ERLIN1: variants seen among roughly 807,000 people sequenced by gnomAD.
The protein encoded by ERLIN1 is erlin-1.
Under a neutral mutation model 46.9 loss-of-function variants are expected in ERLIN1, and 24 were observed. The ratio of observed to expected loss-of-function variants is 0.51; its 90% CI spans 0.37 to 0.72. ERLIN1 has a LOEUF of 0.72. ERLIN1 is among the 30% of genes least tolerant of loss of function. ERLIN1 has a pLI of 0.00. For missense variants in ERLIN1, 293 were observed against 417.9 expected, an observed-to-expected ratio of 0.70 and a Z score of 2.61; for synonymous variants, 158 against 143.2, an observed-to-expected ratio of 1.10 and a Z score of -0.74.
At position 100,185,677 on chromosome 10, in the gene ERLIN1, C is replaced by T. The variant is rs1220360010; in HGVS notation, c.-51G>A. 3.3e-5 allele frequency: 48 copies of T among 1,436,930 alleles called. No homozygotes were observed. Among genetic ancestry groups the T allele is most frequent in the Non-Finnish European group, 4.5e-5 (46 of 1,020,144 alleles). 89.0% of individuals were successfully genotyped at this position (1,436,930 alleles called of 1,614,324 possible). A position where few individuals can be genotyped will look rare whatever the true frequency, so the allele number is the denominator to read the frequency against. ...AAAGGACCCTCAGTCCCGTGAGTGA[C>T]AGGTCCACCCCCTCCAGTTTCTACC... On this transcript the variant is annotated 5_prime_UTR_variant, in exon 1 of 11. Coordinates refer to ENST00000421367, the MANE Select transcript of ERLIN1 (RefSeq NM_006459.4).
intron 6 of ERLIN1, among the ~76,000 whole-genome samples, chr10:100,173,704 A>G (rs1337738829): frequency 6.6e-6 from 1 of 151,992 alleles, no homozygotes; most frequent in Admixed American, 6.6e-5. Flanking sequence ...AATCCAATTA[A>G]TTTTTCCAAA....
chr10:100,180,038 G>A (rs1026541073), intron 2 of ERLIN1, among the ~76,000 whole-genome samples: 2 of 152,218 alleles, frequency 1.3e-5, no homozygotes, highest in African/African-American at 2.4e-5. Context: ...CTTCTCTAAA[G>A]CTGTGGTCAA....
intron 2 of ERLIN1, 120 bp downstream of exon 2, chr10:100,183,636 C>A: frequency 1.6e-6 from 1 of 617,170 alleles, no homozygotes. Context: ...TTAACTTCTG[C>A]ATTTAAGTAA....
intron 9 of ERLIN1, among the ~76,000 whole-genome samples, chr10:100,155,690 AT>A (rs1843044124): frequency 1.3e-5 from 2 of 151,586 alleles, no homozygotes; most frequent in Non-Finnish European, 2.9e-5. Flanking sequence ...AATTTTTTGT[AT>A]TTTTAGTAGA....
At chr10:100,185,464 T>A (rs749089332) in intron 1 of ERLIN1, 50 bp downstream of exon 1, 1 of 1,377,470 alleles carries the variant, frequency 7.3e-7, no homozygotes, top group South Asian at 1.2e-5. Context: ...CACTCTGGAG[T>A]ACCCTTTTAA....
chr10:100,176,851 G>A (rs1387898093), intron 4 of ERLIN1, among the ~76,000 whole-genome samples: 3 of 152,156 alleles, frequency 2.0e-5, no homozygotes, highest in Non-Finnish European at 2.9e-5. Context: ...GACTGGGCGC[G>A]GTGGCTCATG....
In ERLIN1 at chr10:100,185,716, A is replaced by C. The variant is rs1440288832; in HGVS notation, c.-90T>G. 1.9e-6 allele frequency: 2 copies of C among 1,051,434 alleles called. No homozygotes were observed. Among genetic ancestry groups the C allele is most frequent in the Non-Finnish European group, 2.9e-6 (2 of 680,778 alleles). The allele number at this position is 1,051,434 out of a possible 1,614,324, so 65.1% of individuals were successfully genotyped here. A position where few individuals can be genotyped will look rare whatever the true frequency, so the allele number is the denominator to read the frequency against. On this transcript the variant is annotated 5_prime_UTR_variant, in exon 1 of 11. Transcript: ENST00000421367. ...CCAGTTTCTACCCTCTCCCTCCGGA[A>C]ACTTGGCGCTCTCTCGCAGGCTGAG...
chr10:100,159,517 G>C (rs1415464726), intron 8 of ERLIN1, among the ~76,000 whole-genome samples: 1 of 152,078 alleles, frequency 6.6e-6, no homozygotes, highest in African/African-American at 2.4e-5. Context: ...ACCGTGTACA[G>C]GTAGGCCACA....
chr10:100,167,891 A>T (rs1414841855), intron 6 of ERLIN1, among the ~76,000 whole-genome samples: 2 of 152,236 alleles, frequency 1.3e-5, no homozygotes, highest in African/African-American at 4.8e-5. Flanking sequence ...TATCACTTCC[A>T]ACCCCTGCAA....
intron 6 of ERLIN1, among the ~76,000 whole-genome samples, chr10:100,172,286 A>G (rs151285507): frequency 2.1e-4 from 32 of 152,370 alleles, no homozygotes; most frequent in Middle Eastern, 3.4e-3. Flanking sequence ...GCATGTATGC[A>G]TTTATATCTA....
intron 3 of ERLIN1, among the ~76,000 whole-genome samples, chr10:100,178,598 C>T (rs1844453935): frequency 6.6e-6 from 1 of 152,202 alleles, no homozygotes; most frequent in Admixed American, 6.5e-5. Context: ...TCTCGGGCCT[C>T]ACCCCAGACC....
chr10:100,169,065 T>G (rs1317036108), intron 6 of ERLIN1, among the ~76,000 whole-genome samples: 1 of 152,180 alleles, frequency 6.6e-6, no homozygotes, highest in Admixed American at 6.5e-5. Context: ...TTGGGAAATC[T>G]CACAGATTTT....
chr10:100,170,803 G>A (rs565447071), intron 6 of ERLIN1, among the ~76,000 whole-genome samples: 3 of 152,298 alleles, frequency 2.0e-5, no homozygotes, highest in Admixed American at 2.0e-4. Flanking sequence ...GAGAAAATTC[G>A]ATTTGATGAG....
intron 7 of ERLIN1, among the ~76,000 whole-genome samples, chr10:100,166,934 AC>A (rs544398629): frequency 6.6e-6 from 1 of 152,348 alleles, no homozygotes; most frequent in South Asian, 2.1e-4. Flanking sequence ...ACAATGGAAA[AC>A]CAAACTTTAT....
In ERLIN1 at chr10:100,164,114, T is replaced by C; in HGVS notation, c.564-19A>G. 2 of 1,548,708 alleles carry C rather than the reference T, an allele frequency of 1.3e-6. No homozygotes were observed. The highest frequency in any genetic ancestry group is 1.8e-6 in the Non-Finnish European group (2 of 1,124,444). ...AGCCTCCCTGTGAAGCAAAATGTTA[T>C]AAAAATTAGAAATGATTCTCCTATG... On this transcript the variant is annotated intron_variant, in intron 7 of 10. Transcript: ENST00000421367.
At chr10:100,176,493 G>A (rs1844311575) in intron 4 of ERLIN1, among the ~76,000 whole-genome samples, 1 of 152,110 alleles carries the variant, frequency 6.6e-6, no homozygotes, top group South Asian at 2.1e-4. Flanking sequence ...TTAGCTAAGA[G>A]GTAAAGAGAG....
chr10:100,181,915 T>C (rs189624213), intron 2 of ERLIN1, among the ~76,000 whole-genome samples: 5 of 152,364 alleles, frequency 3.3e-5, no homozygotes, highest in Admixed American at 6.5e-5. Context: ...TGGCTGGCTC[T>C]AGCCCATGTA....
rs766965305 is a variant in ERLIN1, at chr10:100,185,552, G to T, written c.75C>A (p.Ile25=). Residue 25 remains isoleucine, a synonymous_variant, in exon 1 of 11, where the codon ATC becomes ATA. Transcript: ENST00000421367. ...CCAGATGGCCCTCCTCAATCTTGTG[G>T]ATGGAGGCGTAGAGCAGGACAGCCA... ...GLVAVLLYAS[I]HKIEEGHLAV... is the part of the protein sequence containing the mutation. 69 of 1,613,890 alleles carry T rather than the reference G, an allele frequency of 4.3e-5. No homozygotes were observed. The highest frequency in any genetic ancestry group is 5.6e-5 in the Non-Finnish European group (66 of 1,179,870).
chr10:100,169,859 A>T (rs748504692), intron 6 of ERLIN1, among the ~76,000 whole-genome samples: 12 of 152,168 alleles, frequency 7.9e-5, no homozygotes, highest in Non-Finnish European at 1.6e-4. Flanking sequence ...CTCTACAAAA[A>T]ATAAAAAAAT....
Sources: allele counts gnomAD v4.1 joint callset (sites outside exome capture counted in the v4.1 genomes callset), GRCh38; gene constraint gnomAD v4.1.1; transcripts MANE v1.5; gene names NCBI Gene and HGNC (gene_info 2026-07-23, HGNC 2026-07-21).